The following PRUNE2 variants were observed in gnomAD, a reference collection of about 807,000 sequenced individuals.
PRUNE2 encodes the protein prune homolog 2 with BCH domain.
A neutral mutation model predicts 252.0 loss-of-function variants in PRUNE2; 164 were observed. That is an observed-to-expected ratio of 0.65 (90% CI 0.57 to 0.74). The LOEUF is 0.74. Among genes scored for constraint, PRUNE2 ranks in the 30% least tolerant of loss-of-function variants. The pLI is 0.00. For missense variants in PRUNE2, 3,495 were observed against 3,711.0 expected (o/e 0.94, Z 1.51); for synonymous variants, 1,292 against 1,350.2 (o/e 0.96, Z 0.94).
intron 17 of PRUNE2, among the ~76,000 whole-genome samples, chr9:76,623,568 C>T (rs531843490): frequency 5.7e-4 from 86 of 152,170 alleles, no homozygotes; most frequent in Non-Finnish European, 9.8e-4. Flanking sequence ...GCTGGGATTA[C>T]AGGGGTCTGA....
At chr9:76,622,886 A>C (rs1203142360) in intron 17 of PRUNE2, among the ~76,000 whole-genome samples, 1 of 152,244 alleles carries the variant, frequency 6.6e-6, no homozygotes, top group East Asian at 1.9e-4. Context: ...ACTAATGCTA[A>C]ACTTTCTAAA....
intron 18 of PRUNE2, chr9:76,614,962 T>G (rs1025394389): frequency 2.8e-6 from 1 of 360,882 alleles, no homozygotes; most frequent in Non-Finnish European, 4.0e-6. Flanking sequence ...TGACCTTTCC[T>G]TGTGAAGCAA....
At chr9:76,636,057 G>C (rs1587948169) in intron 15 of PRUNE2, among the ~76,000 whole-genome samples, 1 of 151,820 alleles carries the variant, frequency 6.6e-6, no homozygotes, top group African/African-American at 2.4e-5. Context: ...AGAAGAAATG[G>C]CACAATTGAG....
chr9:76,865,994 T>C (rs1359016213), intron 1 of PRUNE2, among the ~76,000 whole-genome samples: 3 of 152,236 alleles, frequency 2.0e-5, no homozygotes, highest in African/African-American at 7.2e-5. Context: ...ATTCTTGACT[T>C]CTGAGTTGCT....
Position 76,709,571 on chromosome 9 carries a change from ATTCTGATC to A in PRUNE2, c.2695_2702del (p.Asp899TrpfsTer6), listed in dbSNP as rs1200189068. On this transcript the variant is annotated frameshift_variant, in exon 8 of 19. Coordinates refer to ENST00000376718, the MANE Select transcript of PRUNE2 (RefSeq NM_015225.3). LOFTEE classifies it high-confidence loss of function. The stretch of plus-strand genomic sequence containing the variant: ...CCCTAGTTTTAGGATCCACTAAACC[ATTCTGATC>A]TTCTTTTGGTGGCTTAGAATTAGTC... 1 of 1,614,000 alleles carries A rather than the reference ATTCTGATC, an allele frequency of 6.2e-7. No homozygotes were observed. The highest frequency in any genetic ancestry group is 1.3e-5 in the African/African-American group (1 of 75,046).
At chr9:76,856,274 G>A (rs140034352) in intron 1 of PRUNE2, among the ~76,000 whole-genome samples, 263 of 152,240 alleles carry the variant, frequency 1.7e-3, no homozygotes, top group African/African-American at 6.1e-3. Context: ...GGATCTCAGC[G>A]TCCACACAAG....
At chr9:76,818,605 C>T (rs780676797) in intron 6 of PRUNE2, among the ~76,000 whole-genome samples, 1 of 151,776 alleles carries the variant, frequency 6.6e-6, no homozygotes, top group Non-Finnish European at 1.5e-5. Flanking sequence ...CAGAACAGCC[C>T]AGAAAGAAAG....
intron 1 of PRUNE2, among the ~76,000 whole-genome samples, chr9:76,895,309 C>T (rs544731215): frequency 2.0e-4 from 31 of 152,258 alleles, no homozygotes; most frequent in South Asian, 2.1e-4. Context: ...GGGAGTGGGG[C>T]GCCAGGCTGC....
At chr9:76,639,115 T>G (rs1279334323) in intron 12 of PRUNE2, among the ~76,000 whole-genome samples, 3 of 152,196 alleles carry the variant, frequency 2.0e-5, no homozygotes, top group Non-Finnish European at 4.4e-5. Flanking sequence ...TTCCCCCATC[T>G]TTTTTGCAGT....
intron 9 of PRUNE2, among the ~76,000 whole-genome samples, chr9:76,669,948 CCT>C (rs1178952929): frequency 6.6e-6 from 1 of 152,146 alleles, no homozygotes; most frequent in South Asian, 2.1e-4. Context: ...AGCTTCTTGC[CCT>C]CTCTCTCTTT....
At chr9:76,750,718 G>C (rs1267514871) in intron 6 of PRUNE2, among the ~76,000 whole-genome samples, 1 of 152,220 alleles carries the variant, frequency 6.6e-6, no homozygotes, top group Non-Finnish European at 1.5e-5. Context: ...GGCAGTCGCA[G>C]TGGGAGCAGA....
intron 6 of PRUNE2, among the ~76,000 whole-genome samples, chr9:76,792,146 T>A (rs1471847815): frequency 6.6e-6 from 1 of 152,014 alleles, no homozygotes; most frequent in Non-Finnish European, 1.5e-5. Context: ...ATTTCCCATG[T>A]GTGGTGGGAG....
chr9:76,650,044 G>A (rs375665486), intron 11 of PRUNE2, among the ~76,000 whole-genome samples: 1 of 151,894 alleles, frequency 6.6e-6, no homozygotes, highest in African/African-American at 2.4e-5. Flanking sequence ...AGTCCAATCT[G>A]GTAACAGACC....
chr9:76,655,592 A>G (rs1194533748), intron 9 of PRUNE2, 90 bp from the exon 10 acceptor site: 1 of 925,182 alleles, frequency 1.1e-6, no homozygotes, highest in Non-Finnish European at 1.7e-6. Flanking sequence ...CCAGGATAAC[A>G]TTTTCAACTC....
Position 76,706,909 on chromosome 9 carries a change from A to G in PRUNE2, c.5365T>C (p.Ser1789Pro), listed in dbSNP as rs1199529093. The G allele has an allele frequency of 6.2e-7, 1 of 1,601,656 alleles. No individual in the cohort carries two copies. Among genetic ancestry groups the G allele is most frequent in the African/African-American group, 1.3e-5 (1 of 74,408 alleles). The change falls in exon 8 of 19, where the codon TCT becomes CCT. Residue 1789 changes from serine to proline, a missense_variant. Ser to Pro is a moderately conservative substitution (Grantham distance 74). Coordinates refer to ENST00000376718, the MANE Select transcript of PRUNE2 (RefSeq NM_015225.3). Reference sequence around the variant, plus strand: ...TCTCCTGTTGTCCCTGTTTCTGGAGAAGATCTCTTCTCCTTCTCCACTGCT... The same window carrying G: ...TCTCCTGTTGTCCCTGTTTCTGGAGGAGATCTCTTCTCCTTCTCCACTGCT... ...ITAVEKEKRS[S>P]PETGTTGDVA...
intron 9 of PRUNE2, among the ~76,000 whole-genome samples, chr9:76,657,938 C>T (rs1053661153): frequency 3.9e-5 from 6 of 152,138 alleles, no homozygotes; most frequent in Admixed American, 3.3e-4. Flanking sequence ...CAACACAAAG[C>T]AGAGACCCTA....
chr9:76,638,274 C>G lies in PRUNE2; in HGVS notation c.8743G>C (p.Gly2915Arg). The G allele has an allele frequency of 6.2e-7, 1 of 1,613,108 alleles. No individual in the cohort carries two copies. Among genetic ancestry groups the G allele is most frequent in the Non-Finnish European group, 8.5e-7 (1 of 1,179,242 alleles). Reference sequence around the variant, plus strand: ...GCAAACACAATGATGGCATTTAGACCGTCCCCATAGTATCCTGGGGGACAA... The same window carrying G: ...GCAAACACAATGATGGCATTTAGACGGTCCCCATAGTATCCTGGGGGACAA... ...VISHGGYYGD[G>R]LNAIIVFAAC... Residue 2915 changes from glycine (G) to arginine (R), a missense_variant, in exon 13 of 19, where the codon GGT (glycine) becomes CGT (arginine). Gly to Arg is a moderately radical substitution (Grantham distance 125, BLOSUM62 -2). Transcript: ENST00000376718.
Position 76,710,443 on chromosome 9 carries a change from T to G in PRUNE2, c.1831A>C (p.Thr611Pro). 1 of 1,613,970 alleles carries G rather than the reference T, an allele frequency of 6.2e-7. No homozygotes were observed. Among genetic ancestry groups the G allele is most frequent in the Non-Finnish European group, 8.5e-7 (1 of 1,179,890 alleles). ...CTTTCTACTAAACTATTCATGGGTGTTGGTGGGATCCTCTTTCCAGTATTT... is the reference window on the plus strand; with the variant it reads ...CTTTCTACTAAACTATTCATGGGTGGTGGTGGGATCCTCTTTCCAGTATTT... ...LKNTGKRIPPTPMNSLVESSP... is the reference protein window; with the variant it reads ...LKNTGKRIPPPPMNSLVESSP... The change falls in exon 8 of 19, where the codon ACA becomes CCA. Residue 611 changes from threonine to proline, a missense_variant. Physicochemically the swap from Thr to Pro is conservative, Grantham distance 38. Coordinates refer to ENST00000376718, the MANE Select transcript of PRUNE2 (RefSeq NM_015225.3).
intron 9 of PRUNE2, among the ~76,000 whole-genome samples, chr9:76,688,877 A>G (rs1016331538): frequency 5.3e-5 from 8 of 151,950 alleles, no homozygotes; most frequent in African/African-American, 1.9e-4. Context: ...AAGTCTCCCA[A>G]CTCCAACCGA....
Sources: gnomAD v4.1 joint callset for allele counts (sites outside exome capture counted in the v4.1 genomes callset) on GRCh38, gnomAD v4.1.1 for gene constraint, MANE v1.5 for transcripts, NCBI Gene and HGNC (gene_info 2026-07-23, HGNC 2026-07-21) for gene names.